The following PRX variants were observed in gnomAD, a reference collection of about 807,000 sequenced individuals.
PRX encodes periaxin.
Under a neutral mutation model 29.6 loss-of-function variants are expected in PRX, and 24 were observed. The ratio of observed to expected loss-of-function variants is 0.81; its 90% confidence interval spans 0.59 to 1.14. PRX has a LOEUF of 1.14. Among genes scored for constraint, PRX ranks in the 50% most tolerant of loss-of-function variants. PRX has a pLI of 0.00. For missense variants in PRX, 1,838 were observed against 1,926.4 expected (o/e 0.95, Z 0.86); for synonymous variants, 772 against 831.7 (o/e 0.93, Z 1.24).
chr19:40,409,587 C>T (rs2145747862), intron 1 of PRX, among the ~76,000 whole-genome samples: 1 of 152,046 alleles, frequency 6.6e-6, no homozygotes, highest in South Asian at 2.1e-4. Flanking sequence ...ATTCTCCTGC[C>T]TCAGCCTCCC....
intron 5 of PRX, among the ~76,000 whole-genome samples, chr19:40,403,360 C>CTA (rs1246790594): frequency 6.6e-6 from 1 of 152,156 alleles, no homozygotes; most frequent in Non-Finnish European, 1.5e-5. Context: ...TAGTTAAGCA[C>CTA]TATGTGCCAC....
At position 40,394,466 on chromosome 19, in the gene PRX, C is replaced by G. The variant is rs769014032; in HGVS notation, c.3886G>C (p.Gly1296Arg). The change falls in exon 7 of 7, where the codon GGG becomes CGG. Residue 1296 changes from glycine (G) to arginine (R), a missense_variant. Around this residue, in one of 3 missense-constraint regions of PRX, gnomAD observed 1,143 missense variants for 1,193.0 expected, o/e 0.96. Coordinates refer to ENST00000324001, the MANE Select transcript of PRX (RefSeq NM_181882.3). The surrounding 1 kb of genome is among the most constrained non-coding windows in gnomAD (Gnocchi z 5.8). ...AGCTTGTGTCCGGCCTCTCCCTCCCCCTCTGCCACCTGGTACTCGGCATGG... is the reference window on the plus strand; with the variant it reads ...AGCTTGTGTCCGGCCTCTCCCTCCCGCTCTGCCACCTGGTACTCGGCATGG... Reference protein sequence around the residue: ...GNHAEYQVAEGEGEAGHKLKV... With the variant: ...GNHAEYQVAEREGEAGHKLKV... 1.0e-4 allele frequency: 163 copies of G among 1,601,300 alleles called. No homozygotes were observed. Among genetic ancestry groups the G allele is most frequent in the Admixed American group, 4.4e-4 (26 of 58,690 alleles).
chr19:40,398,879 T>G lies in PRX; in HGVS notation c.185-63A>C. ...TCCCGGCTCCGCCCGGGCCTAGTTC[T>G]GCCCACTTGCACGGAGCCCTCGCGG... On this transcript the variant is annotated intron_variant, in intron 5 of 6. Transcript: ENST00000324001. This position sits in a 1 kb window ranked among gnomAD's most constrained non-coding sequence, Gnocchi z 6.3. 1 of 1,610,716 alleles carries G rather than the reference T, an allele frequency of 6.2e-7. No homozygotes were observed. The highest frequency in any genetic ancestry group is 8.5e-7 in the Non-Finnish European group (1 of 1,178,742).
At chr19:40,401,519 G>C (rs2079493845) in intron 5 of PRX, among the ~76,000 whole-genome samples, 1 of 152,144 alleles carries the variant, frequency 6.6e-6, no homozygotes, top group South Asian at 2.1e-4. Flanking sequence ...CCTGCTCACA[G>C]CCCTCACAGA....
chr19:40,411,361 C>T (rs536637717), intron 1 of PRX, among the ~76,000 whole-genome samples: 4 of 152,150 alleles, frequency 2.6e-5, no homozygotes, highest in Admixed American at 6.5e-5. Flanking sequence ...GTGACAGAGT[C>T]GAGACTTGAG....
Position 40,407,767 on chromosome 19 carries a change from A to C in PRX, c.27+139T>G. On this transcript the variant is annotated intron_variant, in intron 4 of 6. Transcript: ENST00000324001. ...TTTTCTTCTCCTCACAGTGACCCAT[A>C]AAATAGACCCTGTTATTATTTCCAT... 3 of 1,243,336 alleles carry C rather than the reference A, an allele frequency of 2.4e-6. No homozygotes were observed. In the South Asian group the frequency reaches 3.7e-5, roughly 15 times the overall value. The allele number at this position is 1,243,336 out of a possible 1,614,324, so 77.0% of individuals were successfully genotyped here. A position where few individuals can be genotyped will look rare whatever the true frequency, so the allele number is the denominator to read the frequency against.
At position 40,397,112 on chromosome 19, in the gene PRX, T is replaced by C. The variant is rs2079447100; in HGVS notation, c.1240A>G (p.Lys414Glu). ...RPAAPEVVES[K>E]LKLPTIKMPS... The stretch of plus-strand genomic sequence containing the variant: ...ATCTTGATGGTGGGCAGCTTCAGCT[T>C]GCTCTCTACAACTTCAGGAGCAGCG... Residue 414 changes from lysine (K) to glutamate (E), a missense_variant, in exon 7 of 7, where the codon AAG becomes GAG. Transcript: ENST00000324001. 1.9e-6 allele frequency: 3 copies of C among 1,614,112 alleles called. No homozygotes were observed. The highest frequency in any genetic ancestry group is 2.5e-6 in the Non-Finnish European group (3 of 1,180,030).
intron 5 of PRX, among the ~76,000 whole-genome samples, chr19:40,399,881 TTCTTTCTTTCTTTCTTTCTTTCTTTTTC>T (rs998432474): frequency 7.4e-5 from 5 of 67,834 alleles, no homozygotes; most frequent in African/African-American, 3.9e-4. Context: ...CTTTCTTTCT[TTCTTTCTTTCTTTCTTTCTTTCTTTTTC>T]TTTCTTTCTT....
At chr19:40,402,270 C>A (rs1261958118) in intron 5 of PRX, among the ~76,000 whole-genome samples, 1 of 151,256 alleles carries the variant, frequency 6.6e-6, no homozygotes, top group East Asian at 2.0e-4. Context: ...AGGAGAATGG[C>A]GTGAACACGG....
In PRX at chr19:40,407,908, C is replaced by T. The variant is rs1020492565; in HGVS notation, c.25G>A (p.Glu9Lys). The stretch of plus-strand genomic sequence containing the variant: ...TTGCAGGACACGTGGGCACTCACCT[C>T]GGCACTCCGGCTCCTGGCCTCCATG... MEARSRSA[E>K]ELRRAELVEI... The change falls in exon 4 of 7, where the codon GAG becomes AAG. Residue 9 changes from glutamate (E) to lysine (K), a missense_variant and splice_region_variant. By Grantham distance (56) the Glu-to-Lys change is moderately conservative. This residue lies in a region of PRX where 666 missense variants were observed against 665.0 expected (regional missense o/e 1.00). Transcript: ENST00000324001. 10 of 1,613,520 alleles carry T rather than the reference C, an allele frequency of 6.2e-6. No homozygotes were observed. Among genetic ancestry groups the T allele is most frequent in the Admixed American group, 5.0e-5 (3 of 60,006 alleles).
chr19:40,399,216 C>A (rs2079471247), intron 5 of PRX, among the ~76,000 whole-genome samples: 1 of 152,168 alleles, frequency 6.6e-6, no homozygotes, highest in Admixed American at 6.5e-5. Flanking sequence ...TAACCCCACT[C>A]CTAGCTCAGG....
Position 40,397,253 on chromosome 19 carries a change from C to G in PRX, c.1099G>C (p.Ala367Pro). 1 of 1,613,810 alleles carries G rather than the reference C, an allele frequency of 6.2e-7. No individual in the cohort carries two copies. The highest frequency in any genetic ancestry group is 1.1e-5 in the South Asian group (1 of 91,088). The change falls in exon 7 of 7, where the codon GCT becomes CCT. Residue 367 changes from alanine to proline, a missense_variant. Around this residue, in one of 3 missense-constraint regions of PRX, gnomAD observed 666 missense variants for 665.0 expected, o/e 1.00. Coordinates refer to ENST00000324001, the MANE Select transcript of PRX (RefSeq NM_181882.3). ...MPRLSFPRFG[A>P]RAKEVAEAKV... Reference sequence around the variant, plus strand: ...GCCTCAGCAACTTCCTTTGCTCGAGCCCCAAATCGGGGAAAACTAAGGCGG... The same window carrying G: ...GCCTCAGCAACTTCCTTTGCTCGAGGCCCAAATCGGGGAAAACTAAGGCGG...
chr19:40,400,322 G>A (rs1310824333), intron 5 of PRX, among the ~76,000 whole-genome samples: 1 of 147,716 alleles, frequency 6.8e-6, no homozygotes, highest in East Asian at 2.1e-4. Flanking sequence ...GCCAGGTGCG[G>A]TGGCTCATGC....
intron 1 of PRX, among the ~76,000 whole-genome samples, chr19:40,410,134 G>T (rs897268297): frequency 9.9e-5 from 15 of 152,266 alleles, no homozygotes; most frequent in Non-Finnish European, 2.2e-4. Context: ...AGCACAGCCA[G>T]AAGGAGGCAA....
Position 40,403,777 on chromosome 19 carries a change from C to T in PRX, c.113G>A (p.Gly38Asp), listed in dbSNP as rs375488816. The T allele has an allele frequency of 3.1e-6, 5 of 1,602,228 alleles. No individual in the cohort carries two copies. The African/African-American group carries it at 4.0e-5, about 13-fold the overall frequency. Residue 38 changes from glycine (G) to aspartate (D), a missense_variant, in exon 5 of 7, where the codon GGC becomes GAC. Gly to Asp is a moderately conservative substitution (Grantham distance 94, BLOSUM62 -1). Around this residue, in one of 3 missense-constraint regions of PRX, gnomAD observed 666 missense variants for 665.0 expected, o/e 1.00. Transcript: ENST00000324001. ...CTCCCGAACGAAGATTCCCTCTTTG[C>T]CGCCGCCCGCTACGTTGATGCCGCT... Reference protein sequence around the residue: ...GVSGINVAGGGKEGIFVRELR... With the variant: ...GVSGINVAGGDKEGIFVRELR...
At chr19:40,414,569 A>G (rs902144703), upstream of PRX, among the ~76,000 whole-genome samples, 1 of 151,980 alleles carries the variant, frequency 6.6e-6, no homozygotes, top group East Asian at 1.9e-4. Flanking sequence ...GACTCTCCCA[A>G]TATCACCATA....
At chr19:40,408,816 G>GGTGGTGT (rs1555802636) in intron 1 of PRX, among the ~76,000 whole-genome samples, 99 of 143,396 alleles carry the variant, frequency 6.9e-4, no homozygotes, top group African/African-American at 2.5e-3. Context: ...TGTTGTTGGT[G>GGTGGTGT]GTGTGTGTGT....
In PRX at chr19:40,403,743, C is replaced by T; in HGVS notation, c.147G>A (p.Glu49=). ...TGAGGCTCCTGGCGGCGGGTGAGTCCTCGCGCAGCTCCCGAACGAAGATTC... is the reference window on the plus strand; with the variant it reads ...TGAGGCTCCTGGCGGCGGGTGAGTCTTCGCGCAGCTCCCGAACGAAGATTC... The part of the protein sequence containing the change: ...KEGIFVRELR[E]DSPAARSLSL... The change falls in exon 5 of 7, where the codon GAG becomes GAA. Residue 49 remains glutamate (E), a synonymous_variant. Coordinates refer to ENST00000324001, the MANE Select transcript of PRX (RefSeq NM_181882.3). The T allele has an allele frequency of 6.4e-7, 1 of 1,573,776 alleles. No homozygotes were observed. Among genetic ancestry groups the T allele is most frequent in the Non-Finnish European group, 8.6e-7 (1 of 1,161,078 alleles).
At chr19:40,410,134 G>C (rs897268297) in intron 1 of PRX, among the ~76,000 whole-genome samples, 2 of 152,148 alleles carry the variant, frequency 1.3e-5, no homozygotes, top group African/African-American at 4.8e-5. Context: ...AGCACAGCCA[G>C]AAGGAGGCAA....
Sources: allele counts gnomAD v4.1 joint callset (sites outside exome capture counted in the v4.1 genomes callset), GRCh38; gene constraint gnomAD v4.1.1; regional missense constraint gnomAD v4.1.1; non-coding constraint Gnocchi (gnomAD v3.1); transcripts MANE v1.5; gene names NCBI Gene and HGNC (gene_info 2026-07-23, HGNC 2026-07-21).